Variants in MAGI3 observed in about 807,000 individuals in gnomAD.
MAGI3 encodes membrane associated guanylate kinase, WW and PDZ domain containing 3.
MAGI3 carries 43 observed loss-of-function variants against 121.8 expected under a neutral mutation model. That is an observed-to-expected ratio of 0.35 (90% CI 0.28 to 0.46). The LOEUF (loss-of-function observed/expected upper bound fraction) is 0.46, where lower values mean the gene tolerates loss of function less well. MAGI3 is among the 20% of genes least tolerant of loss of function. The probability of loss-of-function intolerance (pLI) is 1.00; values close to 1 mark genes in which losing one functional copy is unlikely to be tolerated. For synonymous variants in MAGI3, 553 were observed against 639.3 expected (o/e 0.86, Z 2.04); for missense variants, 1,547 against 1,797.3 (o/e 0.86, Z 2.52).
At chr1:113,644,335 C>T (rs924999756) in intron 11 of MAGI3, among the ~76,000 whole-genome samples, 1 of 152,044 alleles carries the variant, frequency 6.6e-6, no homozygotes, top group African/African-American at 2.4e-5. Flanking sequence ...GGCTGGAGTG[C>T]AGTGGCGCTA....
chr1:113,585,278 T>C, intron 3 of MAGI3, 109 bp from the exon 4 acceptor site: 1 of 996,056 alleles, frequency 1.0e-6, no homozygotes, highest in South Asian at 1.6e-5. Context: ...CTATGGTAGA[T>C]ATTTCAAAAC....
rs1651952595 is a variant in MAGI3, at chr1:113,411,116, A to G, written c.316+19767A>G. 1.3e-5 allele frequency among the ~76,000 whole-genome samples: 2 copies of G among 152,148 alleles called. 1 individual carries two copies. The highest frequency in any genetic ancestry group is 4.1e-4 in the South Asian group (2 of 4,836). On this transcript the variant is annotated intron_variant, in intron 1 of 20. Transcript: ENST00000307546. ...TTGAGTTGGTGAGTAAAACAAAACC[A>G]AAACCAAACCTGGGATAAGCTACCA...
intron 1 of MAGI3, among the ~76,000 whole-genome samples, chr1:113,472,296 G>C (rs990145689): frequency 6.7e-6 from 1 of 150,312 alleles, no homozygotes; most frequent in Non-Finnish European, 1.5e-5. Flanking sequence ...TCCGCCTCCC[G>C]GGTTCACGCC....
intron 16 of MAGI3, among the ~76,000 whole-genome samples, chr1:113,662,743 T>G (rs1319562706): frequency 6.6e-6 from 1 of 152,238 alleles, no homozygotes; most frequent in Non-Finnish European, 1.5e-5. Flanking sequence ...TTGGCATTTA[T>G]TTTTGAGTTA....
chr1:113,485,979 T>C (rs1032479051), intron 1 of MAGI3, among the ~76,000 whole-genome samples: 3 of 152,212 alleles, frequency 2.0e-5, no homozygotes, highest in Non-Finnish European at 4.4e-5. Flanking sequence ...GCTTTAAATA[T>C]TTGGCTTTAT....
At chr1:113,449,607 T>A in intron 1 of MAGI3, 1 of 649,738 alleles carries the variant, frequency 1.5e-6, no homozygotes, top group Non-Finnish European at 2.7e-6. Flanking sequence ...CCCAATAGAT[T>A]GAGTTTATTA....
intron 1 of MAGI3, among the ~76,000 whole-genome samples, chr1:113,514,918 G>A (rs1038719049): frequency 6.6e-6 from 1 of 152,062 alleles, no homozygotes; most frequent in Non-Finnish European, 1.5e-5. Flanking sequence ...AACTAAGAGA[G>A]GAATTTTCAT....
chr1:113,628,113 C>T (rs1651354182), intron 9 of MAGI3, among the ~76,000 whole-genome samples: 1 of 152,000 alleles, frequency 6.6e-6, no homozygotes, highest in Non-Finnish European at 1.5e-5. Flanking sequence ...TTCCTTCCTT[C>T]CTTTTAGTGA....
At chr1:113,579,969 A>G (rs1647908758) in intron 2 of MAGI3, among the ~76,000 whole-genome samples, 1 of 152,068 alleles carries the variant, frequency 6.6e-6, no homozygotes. Context: ...AGTAAAATTC[A>G]GTCAAATGTA....
In MAGI3 at chr1:113,475,298, G is replaced by A. The variant is rs143703873; in HGVS notation, c.317-74217G>A. Among the ~76,000 whole-genome samples the A allele has an allele frequency of 3.2e-4, 48 of 152,236 alleles. 1 individual carries two copies. In the East Asian group the frequency reaches 7.5e-3, roughly 24 times the overall value. On this transcript the variant is annotated intron_variant, in intron 1 of 20. Coordinates refer to ENST00000307546, the MANE Select transcript of MAGI3 (RefSeq NM_001142782.2). ...TGTCGAATAGGAGTGGTGAGAGAGG[G>A]CATCCCTGTCTTGTGCCAGTTTTCA... is the stretch of plus-strand genomic sequence containing the variant.
intron 6 of MAGI3, among the ~76,000 whole-genome samples, chr1:113,604,866 T>C (rs1649654698): frequency 6.6e-6 from 1 of 151,334 alleles, no homozygotes; most frequent in African/African-American, 2.4e-5. Flanking sequence ...ACATATTGGG[T>C]ATAATGTACA....
chr1:113,643,888 A>G, intron 11 of MAGI3, 114 bp downstream of exon 11: 1 of 1,122,716 alleles, frequency 8.9e-7, no homozygotes, highest in Non-Finnish European at 1.3e-6. Flanking sequence ...AGAAGTTAGG[A>G]GGCATGCTGC....
At chr1:113,655,071 C>T (rs7515189) in intron 15 of MAGI3, among the ~76,000 whole-genome samples, 20,551 of 152,096 alleles carry the variant, frequency 0.14, 1,850 homozygotes, top group Non-Finnish European at 0.2. Flanking sequence ...TTCCATTTTC[C>T]CAAAGCAGTT....
intron 1 of MAGI3, among the ~76,000 whole-genome samples, chr1:113,437,864 C>CTCCT (rs1653682622): frequency 1.8e-5 from 1 of 55,978 alleles, no homozygotes; most frequent in Non-Finnish European, 3.3e-5. Flanking sequence ...CTTCTTCTTC[C>CTCCT]TCTTCTTCTT....
chr1:113,588,304 G>A (rs552917795), intron 4 of MAGI3, among the ~76,000 whole-genome samples: 3 of 152,276 alleles, frequency 2.0e-5, no homozygotes, highest in African/African-American at 7.2e-5. Context: ...GAATATTCAG[G>A]CAATAGCAAG....
chr1:113,659,364 G>A (rs538668597), intron 16 of MAGI3, 99 bp downstream of exon 16: 2 of 1,109,848 alleles, frequency 1.8e-6, no homozygotes, highest in Non-Finnish European at 2.6e-6. Flanking sequence ...ATCACTGCGG[G>A]GATATAACTG....
intron 2 of MAGI3, among the ~76,000 whole-genome samples, chr1:113,575,000 C>T (rs1647532671): frequency 6.6e-6 from 1 of 152,138 alleles, no homozygotes; most frequent in African/African-American, 2.4e-5. Flanking sequence ...CTTGTATATA[C>T]TTCATGAAGT....
intron 1 of MAGI3, chr1:113,450,082 G>A (rs1557763569): frequency 6.6e-7 from 1 of 1,511,244 alleles, no homozygotes; most frequent in Non-Finnish European, 9.1e-7. Flanking sequence ...GAAAAGTATG[G>A]CAAAATTGAA....
chr1:113,652,569 G>T (rs781440369), intron 14 of MAGI3, among the ~76,000 whole-genome samples: 2 of 151,890 alleles, frequency 1.3e-5, no homozygotes, highest in Non-Finnish European at 2.9e-5. Context: ...TACAACCTAC[G>T]CTCTTCCCTG....
Sources: gnomAD v4.1 joint callset for allele counts (sites outside exome capture counted in the v4.1 genomes callset) on GRCh38, gnomAD v4.1.1 for gene constraint, MANE v1.5 for transcripts, NCBI Gene and HGNC (gene_info 2026-07-23, HGNC 2026-07-21) for gene names.